Variants in PTPRN2 observed in about 807,000 individuals in gnomAD.
PTPRN2 encodes the protein protein tyrosine phosphatase receptor type N2.
In PTPRN2, 74 loss-of-function variants were observed where a neutral mutation model predicts 118.8. That is an observed-to-expected ratio of 0.62 (90% confidence interval 0.52 to 0.76). The LOEUF (loss-of-function observed/expected upper bound fraction) is 0.76, where lower values mean the gene tolerates loss of function less well. PTPRN2 is among the 30% of genes least tolerant of loss of function. The pLI, the probability that PTPRN2 is intolerant of heterozygous loss-of-function variation, is 0.00. For synonymous variants in PTPRN2, 641 were observed against 608.0 expected (o/e 1.05, Z -0.80); for missense variants, 1,481 against 1,394.4 (o/e 1.06, Z -0.99).
At chr7:157,820,437 C>T (rs560775705) in intron 12 of PTPRN2, among the ~76,000 whole-genome samples, 180 of 151,982 alleles carry the variant, frequency 1.2e-3, no homozygotes, top group African/African-American at 4.3e-3. Context: ...CACACCTGCA[C>T]ACAGCAGATC....
At chr7:158,250,723 G>A (rs1424417443) in intron 3 of PTPRN2, among the ~76,000 whole-genome samples, 1 of 152,312 alleles carries the variant, frequency 6.6e-6, no homozygotes, top group East Asian at 1.9e-4. Flanking sequence ...ATGTTTGAAT[G>A]TTGCGCCGTA....
At chr7:158,032,512 T>C (rs1173604294) in intron 11 of PTPRN2, among the ~76,000 whole-genome samples, 1 of 152,032 alleles carries the variant, frequency 6.6e-6, no homozygotes, top group Non-Finnish European at 1.5e-5. Context: ...GAGAGACAGA[T>C]GCCAAGAGAC....
chr7:158,131,220 A>G (rs112186445), intron 9 of PTPRN2, among the ~76,000 whole-genome samples: 3 of 151,972 alleles, frequency 2.0e-5, no homozygotes, highest in East Asian at 3.9e-4. Flanking sequence ...ACACACGTAC[A>G]TACACACACA....
At chr7:157,866,581 G>C (rs1048442746) in intron 12 of PTPRN2, among the ~76,000 whole-genome samples, 1 of 152,052 alleles carries the variant, frequency 6.6e-6, no homozygotes, top group Non-Finnish European at 1.5e-5. Flanking sequence ...CAGGAAACAC[G>C]TCCATAGAGG....
At chr7:158,411,262 C>T (rs184447472) in intron 2 of PTPRN2, among the ~76,000 whole-genome samples, 32 of 152,320 alleles carry the variant, frequency 2.1e-4, no homozygotes, top group African/African-American at 7.5e-4. Context: ...GGTTCATTCT[C>T]CCTTCCCCAC....
intron 14 of PTPRN2, among the ~76,000 whole-genome samples, chr7:157,645,893 AC>A (rs1805039056): frequency 6.6e-6 from 1 of 152,202 alleles, no homozygotes; most frequent in South Asian, 2.1e-4. Context: ...ACACAGTCCC[AC>A]CCCTTGGTAC....
chr7:157,962,368 T>C (rs1801605918), intron 11 of PTPRN2, among the ~76,000 whole-genome samples: 1 of 152,114 alleles, frequency 6.6e-6, no homozygotes, highest in Non-Finnish European at 1.5e-5. Context: ...GGAGCGTTAT[T>C]CCCCTTCCCG....
At position 158,541,577 on chromosome 7, in the gene PTPRN2, C is replaced by T. The variant is rs1305102363; in HGVS notation, c.112+45981G>A. 5.2e-6 allele frequency: 7 copies of T among 1,352,094 alleles called. No individual in the cohort carries two copies. In the South Asian group the frequency reaches 8.0e-5, roughly 15 times the overall value. 83.8% of individuals were successfully genotyped at this position (1,352,094 alleles called of 1,614,324 possible). The stretch of plus-strand genomic sequence containing the variant: ...TAGTAGGAAAGCTGGCTTCGGTTCT[C>T]AGCAGTGAATATTCAGATTCCACAG... On this transcript the variant is annotated intron_variant, in intron 1 of 22. Coordinates refer to ENST00000389418, the MANE Select transcript of PTPRN2 (RefSeq NM_002847.5).
chr7:158,565,591 C>G lies in PTPRN2; in HGVS notation c.112+21967G>C, dbSNP rs1162151285. On this transcript the variant is annotated intron_variant, in intron 1 of 22. Transcript: ENST00000389418. The surrounding 1 kb of genome is among the most constrained non-coding windows in gnomAD (Gnocchi z 4.6). Reference sequence around the variant, plus strand: ...GTCTGGGATCTGCAGGCTTCAACAACTGTCAAAGCACGGGAAAATCCCCAG... The same window carrying G: ...GTCTGGGATCTGCAGGCTTCAACAAGTGTCAAAGCACGGGAAAATCCCCAG... Among the ~76,000 whole-genome samples the G allele has an allele frequency of 2.0e-5, 3 of 152,212 alleles. No individual in the cohort carries two copies. The highest frequency in any genetic ancestry group is 7.2e-5 in the African/African-American group (3 of 41,448).
At chr7:157,846,776 T>G (rs1808842568) in intron 12 of PTPRN2, among the ~76,000 whole-genome samples, 1 of 150,310 alleles carries the variant, frequency 6.7e-6, no homozygotes, top group Non-Finnish European at 1.5e-5. Context: ...CAGAGCCCTC[T>G]CTCACTCCAT....
chr7:158,305,778 C>A, intron 3 of PTPRN2, among the ~76,000 whole-genome samples: 2 of 142,652 alleles, frequency 1.4e-5, no homozygotes. Context: ...TAGCAGAAAT[C>A]AGAGCAATTT....
chr7:158,455,688 C>T (rs1417340209), intron 2 of PTPRN2, among the ~76,000 whole-genome samples: 1 of 130,692 alleles, frequency 7.7e-6, no homozygotes. Context: ...GGCCACCCAT[C>T]GCTCTGCAGA....
chr7:157,985,944 AC>A (rs570053655), intron 11 of PTPRN2, among the ~76,000 whole-genome samples: 21 of 152,314 alleles, frequency 1.4e-4, no homozygotes, highest in African/African-American at 4.6e-4. Flanking sequence ...GGCTGACGAG[AC>A]CCGGCCTCGC....
intron 2 of PTPRN2, among the ~76,000 whole-genome samples, chr7:158,463,651 T>C (rs62480031): frequency 0.017 from 2,644 of 151,764 alleles, 46 homozygotes; most frequent in Admixed American, 0.059. Flanking sequence ...ATCATCACCA[T>C]CATCGTCATC....
chr7:157,772,100 T>C (rs1802875461), intron 12 of PTPRN2, among the ~76,000 whole-genome samples: 1 of 135,812 alleles, frequency 7.4e-6, no homozygotes, highest in Non-Finnish European at 1.6e-5. Context: ...AACACACACA[T>C]GGATACACAC....
At chr7:157,830,439 C>T (rs905310614) in intron 12 of PTPRN2, among the ~76,000 whole-genome samples, 4 of 152,164 alleles carry the variant, frequency 2.6e-5, no homozygotes, top group Non-Finnish European at 5.9e-5. Context: ...CTGCACTTGG[C>T]ATTGTCCCAG....
intron 3 of PTPRN2, among the ~76,000 whole-genome samples, chr7:158,240,253 AAAAG>A (rs1795831101): frequency 1.7e-5 from 1 of 59,194 alleles, no homozygotes; most frequent in South Asian, 4.7e-4. Context: ...AATATACCAA[AAAAG>A]AGAGAGAGAG....
At chr7:157,747,673 G>A (rs1365598493) in intron 12 of PTPRN2, among the ~76,000 whole-genome samples, 2 of 131,968 alleles carry the variant, frequency 1.5e-5, no homozygotes, top group African/African-American at 5.8e-5. Flanking sequence ...CTGAGCTGTG[G>A]GCTGTTGAGG....
At chr7:158,443,882 G>A (rs1307573831) in intron 2 of PTPRN2, among the ~76,000 whole-genome samples, 1 of 152,206 alleles carries the variant, frequency 6.6e-6, no homozygotes, top group Non-Finnish European at 1.5e-5. Context: ...GGACGGCCAG[G>A]GGCAGAGCTG....
Sources: allele counts gnomAD v4.1 joint callset (sites outside exome capture counted in the v4.1 genomes callset), GRCh38; gene constraint gnomAD v4.1.1; non-coding constraint Gnocchi (gnomAD v3.1); transcripts MANE v1.5; gene names NCBI Gene and HGNC (gene_info 2026-07-23, HGNC 2026-07-21).